The following XXYLT1 variants were observed in gnomAD, a reference collection of about 807,000 sequenced individuals.
The protein encoded by XXYLT1 is UDP-xylose:alpha-xyloside alpha-1,3-xylosyltransferase.
A neutral mutation model predicts 28.9 loss-of-function variants in XXYLT1; 20 were observed. The observed-to-expected ratio is 0.69, with a 90% CI of 0.49 to 1.00. XXYLT1 has a LOEUF of 1.00. Among genes scored for constraint, XXYLT1 ranks in the 50% least tolerant of loss-of-function variants. The pLI, the probability that XXYLT1 is intolerant of heterozygous loss-of-function variation, is 0.00. For missense variants in XXYLT1, 542 were observed against 560.1 expected, an observed-to-expected ratio of 0.97 and a Z score of 0.33; for synonymous variants, 257 against 253.8, an observed-to-expected ratio of 1.01 and a Z score of -0.12.
At chr3:195,141,324 T>C (rs1719476531) in intron 3 of XXYLT1, among the ~76,000 whole-genome samples, 1 of 152,236 alleles carries the variant, frequency 6.6e-6, no homozygotes, top group African/African-American at 2.4e-5. Context: ...TAGGTCCAGA[T>C]ACACTGTGTT....
At chr3:195,145,390 G>A (rs1432529161) in intron 3 of XXYLT1, among the ~76,000 whole-genome samples, 4 of 147,102 alleles carry the variant, frequency 2.7e-5, no homozygotes, top group East Asian at 2.1e-4. Context: ...GGGGCCCTGC[G>A]AGCATCTCTG....
chr3:195,245,160 T>G, intron 1 of XXYLT1, among the ~76,000 whole-genome samples: 1 of 114,352 alleles, frequency 8.7e-6, no homozygotes, highest in African/African-American at 3.8e-5. Context: ...CCCAAGAAAA[T>G]TTTTTTTTTT....
chr3:195,265,366 CAAAAA>C (rs746950258), intron 1 of XXYLT1, among the ~76,000 whole-genome samples: 1 of 104,928 alleles, frequency 9.5e-6, no homozygotes. Flanking sequence ...GACTCCATCT[CAAAAA>C]AAAAAAAAAG....
At chr3:195,085,504 G>A (rs956362597) in intron 3 of XXYLT1, among the ~76,000 whole-genome samples, 1 of 152,194 alleles carries the variant, frequency 6.6e-6, no homozygotes. Flanking sequence ...CGCGGTGGGA[G>A]GGGGGAGTCC....
chr3:195,169,272 C>A (rs1043477316), intron 2 of XXYLT1, among the ~76,000 whole-genome samples: 1 of 152,238 alleles, frequency 6.6e-6, no homozygotes, highest in East Asian at 1.9e-4. Context: ...GCAGCCGGGT[C>A]CAAGGGGAAG....
chr3:195,110,328 G>GCT (rs1560100810), intron 3 of XXYLT1, among the ~76,000 whole-genome samples: 2 of 20,536 alleles, frequency 9.7e-5, no homozygotes. Context: ...GTGAGGGTGA[G>GCT]GTGTGTGTAT....
chr3:195,098,501 G>C (rs151295566), intron 3 of XXYLT1, among the ~76,000 whole-genome samples: 1 of 152,140 alleles, frequency 6.6e-6, no homozygotes, highest in Admixed American at 6.5e-5. Flanking sequence ...TGCAGTGAGC[G>C]GAGATCGTGC....
In XXYLT1 at chr3:195,166,968, C is replaced by T. The variant is rs142951335; in HGVS notation, c.653-10387G>A. Among the ~76,000 whole-genome samples, 109 of 151,830 alleles carry T rather than the reference C, an allele frequency of 7.2e-4. 1 individual carries two copies. Among genetic ancestry groups the T allele is most frequent in the African/African-American group, 2.5e-3 (103 of 41,568 alleles). On this transcript the variant is annotated intron_variant, in intron 2 of 3. Coordinates refer to ENST00000310380, the MANE Select transcript of XXYLT1 (RefSeq NM_152531.5). ...CTGGGATTACAGGCGTGAGCCACCG[C>T]GCCCGGCCATGGGCCAATTATCTAG... is the stretch of plus-strand genomic sequence containing the variant.
At position 195,180,525 on chromosome 3, in the gene XXYLT1, A is replaced by G; in HGVS notation, c.653-23944T>C. 4.1e-6 allele frequency: 4 copies of G among 985,460 alleles called. No individual in the cohort carries two copies. The highest frequency in any genetic ancestry group is 4.8e-6 in the Non-Finnish European group (4 of 829,974). The allele number at this position is 985,460 out of a possible 1,614,324, so 61.0% of individuals were successfully genotyped here. On this transcript the variant is annotated intron_variant, in intron 2 of 3. Transcript: ENST00000310380. The surrounding 1 kb of genome is among the most constrained non-coding windows in gnomAD (Gnocchi z 5.8). ...TCCTGGCTCTGTAGCCCTTGAAAAG[A>G]AGCAAACAAACAGATAAGGGTCAGC...
intron 1 of XXYLT1, among the ~76,000 whole-genome samples, chr3:195,235,854 C>T (rs1272970006): frequency 6.6e-6 from 1 of 152,106 alleles, no homozygotes; most frequent in East Asian, 1.9e-4. Context: ...TTCCCTATCT[C>T]CCAGATGAAT....
chr3:195,122,049 A>C, intron 3 of XXYLT1: 2 of 703,060 alleles, frequency 2.8e-6, no homozygotes, highest in East Asian at 5.4e-5. Context: ...GGGAAGTCCA[A>C]GACCAACGTG....
intron 2 of XXYLT1, among the ~76,000 whole-genome samples, chr3:195,178,560 G>A (rs1453217878): frequency 6.6e-6 from 1 of 152,166 alleles, no homozygotes; most frequent in African/African-American, 2.4e-5. Context: ...AGGACTTGGC[G>A]CAGCTCCATC....
At chr3:195,094,929 G>T (rs1577018849) in intron 3 of XXYLT1, among the ~76,000 whole-genome samples, 1 of 152,210 alleles carries the variant, frequency 6.6e-6, no homozygotes, top group South Asian at 2.1e-4. Context: ...CCCCTCCCAG[G>T]GTTCTCTCAC....
chr3:195,122,057 G>A (rs1027673747), intron 3 of XXYLT1: 14 of 702,898 alleles, frequency 2.0e-5, no homozygotes, highest in Admixed American at 6.0e-5. Flanking sequence ...CAAGACCAAC[G>A]TGCCCACTGA....
chr3:195,163,959 G>C (rs1577097515), intron 2 of XXYLT1, among the ~76,000 whole-genome samples: 1 of 152,332 alleles, frequency 6.6e-6, no homozygotes, highest in East Asian at 1.9e-4. Flanking sequence ...CATCCTTCCT[G>C]GAAGTCTTTA....
intron 3 of XXYLT1, among the ~76,000 whole-genome samples, chr3:195,085,238 G>A (rs867641068): frequency 1.1e-4 from 17 of 152,238 alleles, no homozygotes; most frequent in African/African-American, 3.9e-4. Flanking sequence ...TTTGGAGAGA[G>A]AATATCTGGA....
rs908378005 is a variant in XXYLT1 at position 195,176,920 on chromosome 3, C to T, written c.653-20339G>A. On this transcript the variant is annotated intron_variant, in intron 2 of 3. Coordinates refer to ENST00000310380, the MANE Select transcript of XXYLT1 (RefSeq NM_152531.5). This position sits in a 1 kb window ranked among gnomAD's most constrained non-coding sequence, Gnocchi z 4.9. ...AACCAGCAAGAAACTCTCAAGCCCC[C>T]GCCTAGGGACTAACTCCCCGGCCTG... 2.0e-5 allele frequency among the ~76,000 whole-genome samples: 3 copies of T among 152,226 alleles called. No individual in the cohort carries two copies. Among genetic ancestry groups the T allele is most frequent in the African/African-American group, 4.8e-5 (2 of 41,470 alleles).
At position 195,270,592 on chromosome 3, in the gene XXYLT1, C is replaced by T; in HGVS notation, c.467G>A (p.Arg156Gln). 1 of 1,391,048 alleles carries T rather than the reference C, an allele frequency of 7.2e-7. No individual in the cohort carries two copies. The highest frequency in any genetic ancestry group is 9.3e-7 in the Non-Finnish European group (1 of 1,074,544). The allele number at this position is 1,391,048 out of a possible 1,614,324, so 86.2% of individuals were successfully genotyped here. Residue 156 changes from arginine (R) to glutamine (Q), a missense_variant, in exon 1 of 4, where the codon CGG (arginine) becomes CAG (glutamine). Transcript: ENST00000310380. ...GCCAGCGGCGGGCGGCAGGAGCTCC[C>T]GCAGCAGGCCCTTGGCCACCTCGCG... ...ASREVAKGLLRELLPPAAGFK... is the reference protein window; with the variant it reads ...ASREVAKGLLQELLPPAAGFK...
intron 1 of XXYLT1, among the ~76,000 whole-genome samples, chr3:195,242,256 C>T (rs1334690614): frequency 2.0e-5 from 3 of 152,208 alleles, no homozygotes; most frequent in Non-Finnish European, 4.4e-5. Context: ...CATCCCAGCC[C>T]TCACCCAAAG....
Sources: allele counts gnomAD v4.1 joint callset (sites outside exome capture counted in the v4.1 genomes callset), GRCh38; gene constraint gnomAD v4.1.1; non-coding constraint Gnocchi (gnomAD v3.1); transcripts MANE v1.5; gene names NCBI Gene and HGNC (gene_info 2026-07-23, HGNC 2026-07-21).